Variants in HOMEZ observed in about 807,000 individuals in gnomAD.
The protein encoded by HOMEZ is homeobox and leucine zipper encoding.
HOMEZ carries 20 observed loss-of-function variants against 50.1 expected under a neutral mutation model. That is an observed-to-expected ratio of 0.40 (90% CI 0.28 to 0.58). HOMEZ has a LOEUF of 0.58. HOMEZ is among the 20% of genes least tolerant of loss of function. The pLI, the probability that HOMEZ is intolerant of heterozygous loss-of-function variation, is 0.46. For synonymous variants in HOMEZ, 239 were observed against 254.7 expected (o/e 0.94, Z 0.59); for missense variants, 579 against 680.5 (o/e 0.85, Z 1.66).
chr14:23,276,161 C>A lies in HOMEZ; in HGVS notation c.1067G>T (p.Arg356Leu), dbSNP rs774002075. The change falls in exon 2 of 2, where the codon CGC (arginine) becomes CTC (leucine). Residue 356 changes from arginine (R) to leucine (L), a missense_variant. Coordinates refer to ENST00000357460, the MANE Select transcript of HOMEZ (RefSeq NM_020834.3). This position sits in a 1 kb window ranked among gnomAD's most constrained non-coding sequence, Gnocchi z 4.1. ...PTEYLSPDMQ[R>L]QRKTKRKTKE... ...GGTTTTGCGCTTGGTCTTTCGCTGG[C>A]GTTGCATATCTGGGGAAAGGTACTC... 55 of 1,613,828 alleles carry A rather than the reference C, an allele frequency of 3.4e-5. No homozygotes were observed. The South Asian group carries it at 5.8e-4, about 17-fold the overall frequency.
chr14:23,281,835 T>TAAC (rs1219392099), intron 1 of HOMEZ, among the ~76,000 whole-genome samples: 3 of 138,030 alleles, frequency 2.2e-5, no homozygotes, highest in Non-Finnish European at 3.2e-5. Context: ...ATAATAATAA[T>TAAC]AATACAAAAT....
At position 23,272,843 on chromosome 14, in the gene HOMEZ, G is replaced by T; in HGVS notation, c.*2732C>A. ...TGCAGACTCTCTACCAACAACGGAG[G>T]CATATGGGATTACCCAGTGGGAGAG... On this transcript the variant is annotated 3_prime_UTR_variant, in exon 2 of 2. Transcript: ENST00000357460. 6.5e-7 allele frequency: 1 copy of T among 1,549,062 alleles called. No individual in the cohort carries two copies. The highest frequency in any genetic ancestry group is 8.7e-7 in the Non-Finnish European group (1 of 1,146,030).
rs1399560099 is a variant in HOMEZ, at chr14:23,273,439, A to G, written c.*2136T>C. The G allele has an allele frequency of 6.6e-6, 1 of 152,304 alleles. No homozygotes were observed. The highest frequency in any genetic ancestry group is 2.4e-5 in the African/African-American group (1 of 41,452). The allele number at this position is 152,304 out of a possible 1,614,324, so 9.4% of individuals were successfully genotyped here. ...GACACTGATTTTCAGCTTAGTATAT[A>G]GATAGTAAAATAAAGACGATGCCCT... On this transcript the variant is annotated 3_prime_UTR_variant, in exon 2 of 2. Coordinates refer to ENST00000357460, the MANE Select transcript of HOMEZ (RefSeq NM_020834.3).
chr14:23,275,759 A>T lies in HOMEZ; in HGVS notation c.1469T>A (p.Leu490His). 1.9e-6 allele frequency: 3 copies of T among 1,613,794 alleles called. No individual in the cohort carries two copies. Among genetic ancestry groups the T allele is most frequent in the Non-Finnish European group, 2.5e-6 (3 of 1,179,810 alleles). ...DIPQLSQASR[L>H]STQQVLDWFD... ...CCAATCCAGCACCTGCTGGGTGCTA[A>T]GCCTTGATGCCTGACTCAATTGAGG... The change falls in exon 2 of 2, where the codon CTT (leucine) becomes CAT (histidine). Residue 490 changes from leucine to histidine, a missense_variant. Leu to His is a moderately conservative substitution (Grantham distance 99, BLOSUM62 -3). Coordinates refer to ENST00000357460, the MANE Select transcript of HOMEZ (RefSeq NM_020834.3).
intron 1 of HOMEZ, among the ~76,000 whole-genome samples, chr14:23,281,942 C>T (rs181413365): frequency 4.6e-5 from 7 of 151,734 alleles, no homozygotes; most frequent in Admixed American, 6.6e-5. Context: ...TGCAGTGAGT[C>T]GAGATTGTGC....
chr14:23,277,743 CA>C (rs56248624), intron 1 of HOMEZ, among the ~76,000 whole-genome samples: 32,005 of 132,136 alleles, frequency 0.24, 3,723 homozygotes, highest in South Asian at 0.42. Flanking sequence ...GAGACCCTAT[CA>C]AAAAAAAAAA....
intron 1 of HOMEZ, among the ~76,000 whole-genome samples, chr14:23,280,691 TTTTATTTTTATATTTTTATTTTTATTTTA>T (rs1396028736): frequency 4.0e-5 from 5 of 126,058 alleles, no homozygotes; most frequent in African/African-American, 1.1e-4. Context: ...TATATTTTAT[TTTTATTTTTATATTTTTATTTTTATTTTA>T]TTTTATTTTA....
At position 23,276,552 on chromosome 14, in the gene HOMEZ, T is replaced by A. The variant is rs1229038056; in HGVS notation, c.676A>T (p.Ser226Cys). The A allele has an allele frequency of 6.2e-7, 1 of 1,614,058 alleles. No individual in the cohort carries two copies. The highest frequency in any genetic ancestry group is 8.5e-7 in the Non-Finnish European group (1 of 1,179,888). The change falls in exon 2 of 2, where the codon AGT (serine) becomes TGT (cysteine). Residue 226 changes from serine to cysteine, a missense_variant. Ser to Cys is a moderately radical substitution (Grantham distance 112). Transcript: ENST00000357460. The surrounding 1 kb of genome is among the most constrained non-coding windows in gnomAD (Gnocchi z 4.1). Reference protein sequence around the residue: ...QSDFWQHLQSSGLSKEQAGRG... With the variant: ...QSDFWQHLQSCGLSKEQAGRG... ...CCTGCCTGCTCCTTTGAGAGGCCAC[T>A]GCTTTGAAGATGTTGCCAAAAATCT...
rs564711322 is a variant in HOMEZ, at chr14:23,286,067, C to A, written c.-115G>T. On this transcript the variant is annotated 5_prime_UTR_variant, in exon 1 of 2. Coordinates refer to ENST00000357460, the MANE Select transcript of HOMEZ (RefSeq NM_020834.3). ...GATGGCCGAAACCGGGACTGCCCCC[C>A]CCACCGTCCCCGGGAGCGCGCCGGT... 1.2e-4 allele frequency: 151 copies of A among 1,231,066 alleles called. 1 individual carries two copies. Among genetic ancestry groups the A allele is most frequent in the East Asian group, 2.5e-4 (8 of 31,640 alleles). The allele number at this position is 1,231,066 out of a possible 1,614,324, so 76.3% of individuals were successfully genotyped here.
chr14:23,284,876 T>G (rs947782701), intron 1 of HOMEZ: 2 of 152,172 alleles, frequency 1.3e-5, no homozygotes, highest in African/African-American at 4.8e-5. Flanking sequence ...TGAGTGGCTC[T>G]CAGACTGCAC....
intron 1 of HOMEZ, among the ~76,000 whole-genome samples, chr14:23,279,522 GAGTC>G (rs1456560040): frequency 6.6e-6 from 1 of 152,208 alleles, no homozygotes; most frequent in African/African-American, 2.4e-5. Flanking sequence ...GGTGGAGAAT[GAGTC>G]AGGGCAGAGC....
chr14:23,285,199 A>G (rs960592734), intron 1 of HOMEZ: 2 of 152,124 alleles, frequency 1.3e-5, no homozygotes, highest in African/African-American at 2.4e-5. Context: ...CAACTAACCG[A>G]ATCATGTAAT....
chr14:23,282,480 C>A (rs1010240094), intron 1 of HOMEZ, among the ~76,000 whole-genome samples: 1 of 151,920 alleles, frequency 6.6e-6, no homozygotes, highest in Non-Finnish European at 1.5e-5. Flanking sequence ...GCTTGCATGG[C>A]CAGGTGCTAA....
Position 23,274,306 on chromosome 14 carries a change from C to T in HOMEZ, c.*1269G>A, listed in dbSNP as rs924269632. ...GACAGCAAAAAGATGAAAAATTAGTCTCTGTCAAGCTGGACAGGAGGTAGT... is the reference window on the plus strand; with the variant it reads ...GACAGCAAAAAGATGAAAAATTAGTTTCTGTCAAGCTGGACAGGAGGTAGT... On this transcript the variant is annotated 3_prime_UTR_variant, in exon 2 of 2. Coordinates refer to ENST00000357460, the MANE Select transcript of HOMEZ (RefSeq NM_020834.3). 1 of 152,554 alleles carries T rather than the reference C, an allele frequency of 6.6e-6. No individual in the cohort carries two copies. Among genetic ancestry groups the T allele is most frequent in the Non-Finnish European group, 1.5e-5 (1 of 68,046 alleles). The allele number at this position is 152,554 out of a possible 1,614,324, so 9.5% of individuals were successfully genotyped here.
rs377648125 is a variant in HOMEZ at position 23,276,468 on chromosome 14, C to T, written c.760G>A (p.Val254Ile). Residue 254 changes from valine to isoleucine, a missense_variant, in exon 2 of 2, where the codon GTC becomes ATC. Coordinates refer to ENST00000357460, the MANE Select transcript of HOMEZ (RefSeq NM_020834.3). The surrounding 1 kb of genome is among the most constrained non-coding windows in gnomAD (Gnocchi z 4.1). ...TTATCCCGAGCTTGTGGCTGGGGGA[C>T]GGTTGTGGAGTGGTTCCAGGAAGCA... ...GTASWNHSTT[V>I]PQPQARDKPP... The T allele has an allele frequency of 7.9e-5, 127 of 1,613,842 alleles. No individual in the cohort carries two copies. Among genetic ancestry groups the T allele is most frequent in the South Asian group, 4.0e-4 (36 of 91,082 alleles).
chr14:23,272,479 A>G lies in HOMEZ; in HGVS notation c.*3096T>C. 3.7e-6 allele frequency: 1 copy of G among 271,142 alleles called. No homozygotes were observed. The highest frequency in any genetic ancestry group is 7.1e-6 in the Non-Finnish European group (1 of 140,648). 16.8% of individuals were successfully genotyped at this position (271,142 alleles called of 1,614,324 possible). A position where few individuals can be genotyped will look rare whatever the true frequency, so the allele number is the denominator to read the frequency against. On this transcript the variant is annotated 3_prime_UTR_variant, in exon 2 of 2. Transcript: ENST00000357460. ...GAAAATGTGAAAAAATTTTAAAGTT[A>G]TTGAAGGAAATGCCACCTCCTCAGA...
chr14:23,280,779 T>TTTTATTTTA (rs1566451352), intron 1 of HOMEZ, among the ~76,000 whole-genome samples: 20 of 132,040 alleles, frequency 1.5e-4, no homozygotes, highest in African/African-American at 5.7e-4. Flanking sequence ...TTTTATTTTA[T>TTTTATTTTA]TTTATTTTAT....
intron 1 of HOMEZ, 75 bp from the exon 2 acceptor site, chr14:23,277,262 C>T (rs1886387249): frequency 7.6e-7 from 1 of 1,307,230 alleles, no homozygotes; most frequent in Non-Finnish European, 1.0e-6. Context: ...ACCAAACTAA[C>T]TGCTGGACAC....
At position 23,286,068 on chromosome 14, in the gene HOMEZ, C is replaced by G. The variant is rs554358235; in HGVS notation, c.-116G>C. 1.7e-4 allele frequency: 210 copies of G among 1,231,072 alleles called. No individual in the cohort carries two copies. Among genetic ancestry groups the G allele is most frequent in the Admixed American group, 3.0e-4 (7 of 23,702 alleles). 76.3% of individuals were successfully genotyped at this position (1,231,072 alleles called of 1,614,324 possible). ...ATGGCCGAAACCGGGACTGCCCCCC[C>G]CACCGTCCCCGGGAGCGCGCCGGTC... is the stretch of plus-strand genomic sequence containing the variant. On this transcript the variant is annotated 5_prime_UTR_variant, in exon 1 of 2. Transcript: ENST00000357460.
Sources: allele counts gnomAD v4.1 joint callset (sites outside exome capture counted in the v4.1 genomes callset), GRCh38; gene constraint gnomAD v4.1.1; non-coding constraint Gnocchi (gnomAD v3.1); transcripts MANE v1.5; gene names NCBI Gene and HGNC (gene_info 2026-07-23, HGNC 2026-07-21).